KLF8: variants seen among roughly 807,000 people sequenced by gnomAD.
KLF8 encodes Krueppel-like factor 8.
KLF8 carries 10 observed loss-of-function variants against 18.2 expected under a neutral mutation model. The observed-to-expected ratio is 0.55, with a 90% confidence interval of 0.34 to 0.93. KLF8 has a LOEUF of 0.93. Ranked by LOEUF, KLF8 falls within the 40% of genes least tolerant of loss-of-function variation. The pLI is 0.02. For missense variants in KLF8, 264 were observed against 277.9 expected (o/e 0.95, Z 0.36); for synonymous variants, 109 against 97.3 (o/e 1.12, Z -0.71).
chrX:56,260,996 G>A (rs1024352866), intron 2 of KLF8, among the ~76,000 whole-genome samples: 1 of 111,502 alleles, frequency 9.0e-6, no homozygotes, highest in African/African-American at 3.3e-5. Context: ...CATGAAAAAT[G>A]GAAACTTTGT....
the KLF8 span, among the ~76,000 whole-genome samples, chrX:56,130,171 G>C: frequency 9.0e-6 from 1 of 111,295 alleles, no homozygotes; most frequent in Non-Finnish European, 1.9e-5. Context: ...ATGGTCTCTT[G>C]AAATCCTCAC....
In KLF8 at chrX:56,264,370, ATG is replaced by A. The variant is rs2066933228; in HGVS notation, c.82-808_82-807del. ...ATTTATTGGTTTTTTAAACTAATAAATGTATTTATTGGTTTTTTAAACTAATA... is the reference window on the plus strand; with the variant it reads ...ATTTATTGGTTTTTTAAACTAATAAATATTTATTGGTTTTTTAAACTAATA... On this transcript the variant is annotated intron_variant, in intron 2 of 5. Coordinates refer to ENST00000468660, the MANE Select transcript of KLF8 (RefSeq NM_007250.5). Among the ~76,000 whole-genome samples the A allele has an allele frequency of 4.5e-5, 5 of 110,752 alleles. No individual in the cohort carries two copies. The South Asian group carries it at 1.9e-3, about 42-fold the overall frequency.
the KLF8 span, among the ~76,000 whole-genome samples, chrX:56,192,555 T>A: frequency 1.8e-5 from 2 of 111,955 alleles, no homozygotes; most frequent in Non-Finnish European, 3.8e-5. Flanking sequence ...TCATAATACC[T>A]GACTACAAAT....
the KLF8 span, among the ~76,000 whole-genome samples, chrX:56,159,767 T>C: frequency 1.1e-3 from 126 of 111,574 alleles, no homozygotes; most frequent in African/African-American, 4.1e-3. Flanking sequence ...ATCTATTTGA[T>C]TCTTCTCTCT....
chrX:56,085,572 G>T, the KLF8 span, among the ~76,000 whole-genome samples: 1 of 112,098 alleles, frequency 8.9e-6, no homozygotes, highest in South Asian at 3.7e-4. Flanking sequence ...GCTTTATTTA[G>T]TCTATCATTT....
the KLF8 span, among the ~76,000 whole-genome samples, chrX:55,917,419 C>T: frequency 8.9e-6 from 1 of 112,064 alleles, no homozygotes; most frequent in Non-Finnish European, 1.9e-5. Context: ...GTATTTATCA[C>T]AAATAGCAAT....
chrX:55,933,721 AT>A, the KLF8 span, among the ~76,000 whole-genome samples: 3 of 111,727 alleles, frequency 2.7e-5, no homozygotes, highest in Non-Finnish European at 3.8e-5. Flanking sequence ...CTTTCCCACA[AT>A]TTTTTCTGTC....
At chrX:55,926,362 C>T in the KLF8 span, among the ~76,000 whole-genome samples, 2 of 110,432 alleles carry the variant, frequency 1.8e-5, no homozygotes, top group African/African-American at 3.3e-5. Flanking sequence ...TCTTTCCATG[C>T]TTCCTATCTG....
chrX:55,960,606 A>AAGAAGAAGGAGAAGGAG, the KLF8 span, among the ~76,000 whole-genome samples: 3 of 17,357 alleles, frequency 1.7e-4, no homozygotes, highest in Non-Finnish European at 5.4e-3. Flanking sequence ...AGAAGGAGAA[A>AAGAAGAAGGAGAAGGAG]AAAAGAAGAA....
the KLF8 span, among the ~76,000 whole-genome samples, chrX:56,186,763 C>T: frequency 2.7e-5 from 3 of 112,155 alleles, no homozygotes; most frequent in African/African-American, 6.5e-5. Flanking sequence ...GAACAACCTG[C>T]TCCTGAATGA....
chrX:56,070,780 G>A, the KLF8 span, among the ~76,000 whole-genome samples: 6 of 112,434 alleles, frequency 5.3e-5, no homozygotes, highest in Non-Finnish European at 1.1e-4. Context: ...GGAACTATAA[G>A]TAAAATAATA....
the KLF8 span, among the ~76,000 whole-genome samples, chrX:56,037,829 C>A: frequency 2.4e-4 from 27 of 111,670 alleles, no homozygotes; most frequent in African/African-American, 8.8e-4. Flanking sequence ...TTCAATAACA[C>A]CATTGGACAC....
chrX:56,264,306 A>T (rs2066929123), intron 2 of KLF8, among the ~76,000 whole-genome samples: 2 of 111,229 alleles, frequency 1.8e-5, no homozygotes, highest in African/African-American at 6.5e-5. Context: ...TTAGTTTTTT[A>T]AACTAATAAA....
At chrX:56,168,848 C>G in the KLF8 span, among the ~76,000 whole-genome samples, 1 of 111,346 alleles carries the variant, frequency 9.0e-6, no homozygotes, top group African/African-American at 3.3e-5. Context: ...TATGGCTGCA[C>G]ACTATTCCAT....
the KLF8 span, among the ~76,000 whole-genome samples, chrX:55,959,681 A>G: frequency 1.8e-5 from 2 of 111,985 alleles, no homozygotes; most frequent in Non-Finnish European, 1.9e-5. Context: ...CTTCAAATCA[A>G]TGCAGTCAGA....
chrX:56,034,816 C>T, the KLF8 span, among the ~76,000 whole-genome samples: 2 of 81,271 alleles, frequency 2.5e-5, no homozygotes, highest in African/African-American at 9.4e-5. Flanking sequence ...AGTGCAGTGG[C>T]GCGTTCTCGG....
chrX:56,010,780 A>G, the KLF8 span, among the ~76,000 whole-genome samples: 1 of 112,281 alleles, frequency 8.9e-6, no homozygotes, highest in African/African-American at 3.2e-5. Context: ...TACCAAGTAA[A>G]TGAAAAGCAG....
At chrX:56,126,665 C>T in the KLF8 span, among the ~76,000 whole-genome samples, 1 of 110,608 alleles carries the variant, frequency 9.0e-6, no homozygotes, top group Non-Finnish European at 1.9e-5. Context: ...CAACTTTGCA[C>T]TTGTCATTTT....
At chrX:55,983,461 C>T in the KLF8 span, among the ~76,000 whole-genome samples, 1 of 111,748 alleles carries the variant, frequency 8.9e-6, no homozygotes, top group Non-Finnish European at 1.9e-5. Flanking sequence ...AACTTCATCT[C>T]TTAGTATTAT....
Sources: gnomAD v4.1 joint callset for allele counts (sites outside exome capture counted in the v4.1 genomes callset) on GRCh38, gnomAD v4.1.1 for gene constraint, MANE v1.5 for transcripts, NCBI Gene and HGNC (gene_info 2026-07-23, HGNC 2026-07-21) for gene names.